Variants in MTA3 observed in about 807,000 individuals in gnomAD.
MTA3 encodes the protein metastasis associated 1 family member 3.
In MTA3, 34 loss-of-function variants were observed where a neutral mutation model predicts 83.5. The ratio of observed to expected loss-of-function variants is 0.41; its 90% CI spans 0.31 to 0.54. The LOEUF (loss-of-function observed/expected upper bound fraction) is 0.54. MTA3 is among the 20% of genes least tolerant of loss of function. The probability of loss-of-function intolerance (pLI) is 0.33; values close to 1 mark genes in which losing one functional copy is unlikely to be tolerated. For missense variants in MTA3, 761 were observed against 726.4 expected (o/e 1.05, Z -0.55); for synonymous variants, 303 against 252.7 (o/e 1.20, Z -1.89).
At position 42,620,691 on chromosome 2, in the gene MTA3, C is replaced by T. The variant is rs144298665; in HGVS notation, c.317+11107C>T. On this transcript the variant is annotated intron_variant, in intron 4 of 16. Coordinates refer to ENST00000405094, the MANE Select transcript of MTA3 (RefSeq NM_001330442.2). The stretch of plus-strand genomic sequence containing the variant: ...AACTTTTTGTAGGGATAGAGTCTAG[C>T]TATGTTGCCCAGGTTGTTTCTTAAA... Among the ~76,000 whole-genome samples the T allele has an allele frequency of 1.7e-3, 257 of 152,198 alleles. 3 individuals are homozygous for T. Among genetic ancestry groups the T allele is most frequent in the African/African-American group, 5.7e-3 (238 of 41,530 alleles).
intron 6 of MTA3, among the ~76,000 whole-genome samples, chr2:42,648,768 A>G (rs555105683): frequency 1.6e-4 from 25 of 152,346 alleles, no homozygotes; most frequent in African/African-American, 5.5e-4. Flanking sequence ...ATGTATTATT[A>G]TAACATTGGA....
intron 3 of MTA3, among the ~76,000 whole-genome samples, chr2:42,606,707 A>C (rs1415011942): frequency 4.6e-5 from 7 of 151,624 alleles, no homozygotes; most frequent in African/African-American, 1.7e-4. Flanking sequence ...CAATCTCGGC[A>C]CTTTGGGAGG....
chr2:42,702,070 G>A (rs891706337), intron 11 of MTA3, among the ~76,000 whole-genome samples: 3 of 151,936 alleles, frequency 2.0e-5, no homozygotes, highest in Non-Finnish European at 4.4e-5. Flanking sequence ...AATTAGGCAG[G>A]CGTGGTGGCA....
At chr2:42,656,745 A>T (rs1303717320) in intron 7 of MTA3, among the ~76,000 whole-genome samples, 1 of 152,220 alleles carries the variant, frequency 6.6e-6, no homozygotes, top group Non-Finnish European at 1.5e-5. Context: ...CAACCTGGCT[A>T]CCTGGCTGGC....
At chr2:42,585,171 C>T (rs1346991782) in intron 3 of MTA3, among the ~76,000 whole-genome samples, 1 of 152,156 alleles carries the variant, frequency 6.6e-6, no homozygotes, top group African/African-American at 2.4e-5. Context: ...CTCACTGCAA[C>T]CTCCACCTCC....
Position 42,631,700 on chromosome 2 carries a change from T to C in MTA3, c.318-8473T>C, listed in dbSNP as rs571552775. 5.9e-5 allele frequency among the ~76,000 whole-genome samples: 9 copies of C among 152,344 alleles called. No individual in the cohort carries two copies. In the East Asian group the frequency reaches 1.7e-3, roughly 29 times the overall value. ...TTATTTTGTATTATTATTTTATTATTATTTTTTGAGACGGAGTCTCCCTTA... is the reference window on the plus strand; with the variant it reads ...TTATTTTGTATTATTATTTTATTATCATTTTTTGAGACGGAGTCTCCCTTA... On this transcript the variant is annotated intron_variant, in intron 4 of 16. Coordinates refer to ENST00000405094, the MANE Select transcript of MTA3 (RefSeq NM_001330442.2).
chr2:42,579,266 C>G, intron 3 of MTA3, 66 bp downstream of exon 3: 1 of 1,183,222 alleles, frequency 8.5e-7, no homozygotes, highest in East Asian at 2.6e-5. Context: ...GAGGTGGAAA[C>G]ATGCTTTTTC....
At chr2:42,729,099 T>TTTTTTTTG (rs1668053664) in intron 16 of MTA3, among the ~76,000 whole-genome samples, 3 of 122,668 alleles carry the variant, frequency 2.4e-5, no homozygotes, top group Middle Eastern at 3.6e-3. Context: ...TTTTTTTTTT[T>TTTTTTTTG]TTTTTTTTTT....
intron 3 of MTA3, among the ~76,000 whole-genome samples, chr2:42,606,428 C>T (rs529364566): frequency 1.5e-3 from 222 of 151,488 alleles, no homozygotes; most frequent in Admixed American, 3.5e-3. Context: ...GACGGGGCGG[C>T]GGGGCAGAGG....
intron 9 of MTA3, among the ~76,000 whole-genome samples, chr2:42,692,335 T>C (rs1692973687): frequency 7.0e-6 from 1 of 143,472 alleles, no homozygotes; most frequent in Admixed American, 7.2e-5. Flanking sequence ...TCAGTCTCTG[T>C]TAAATTTATC....
chr2:42,632,319 T>A (rs1686761294), intron 4 of MTA3, among the ~76,000 whole-genome samples: 2 of 151,844 alleles, frequency 1.3e-5, no homozygotes, highest in African/African-American at 4.8e-5. Flanking sequence ...CTTGATCTCC[T>A]GACCTCATGA....
At chr2:42,570,927 C>A (rs560758156) in intron 2 of MTA3, among the ~76,000 whole-genome samples, 1 of 151,712 alleles carries the variant, frequency 6.6e-6, no homozygotes, top group Non-Finnish European at 1.5e-5. Flanking sequence ...GAAGGAGAAT[C>A]GCTTGAACCC....
intron 5 of MTA3, among the ~76,000 whole-genome samples, chr2:42,641,167 A>G (rs368525940): frequency 3.3e-5 from 5 of 149,914 alleles, no homozygotes; most frequent in East Asian, 3.9e-4. Flanking sequence ...TCAGCCTCCC[A>G]AAGTGCTGGG....
intron 2 of MTA3, among the ~76,000 whole-genome samples, chr2:42,527,096 C>T (rs898324628): frequency 6.9e-6 from 1 of 145,476 alleles, no homozygotes; most frequent in Non-Finnish European, 1.5e-5. Flanking sequence ...CAGCCATTTG[C>T]GGACTAGAGG....
intron 8 of MTA3, among the ~76,000 whole-genome samples, chr2:42,666,088 T>C (rs555687596): frequency 6.6e-6 from 1 of 152,250 alleles, no homozygotes; most frequent in South Asian, 2.1e-4. Context: ...CCATCCTGGC[T>C]AACACGGTGA....
rs1670031554 is a variant in MTA3, at chr2:42,753,464, G to A, written c.*65G>A. 1 of 1,549,530 alleles carries A rather than the reference G, an allele frequency of 6.5e-7. No individual in the cohort carries two copies. The highest frequency in any genetic ancestry group is 8.7e-7 in the Non-Finnish European group (1 of 1,146,338). On this transcript the variant is annotated 3_prime_UTR_variant, in exon 17 of 17. Transcript: ENST00000405094. ...CTGTCCTGCTGATGTTCACAGCCGT[G>A]CCTGGGAAGAAGGCAGCCCCACTCC... is the stretch of plus-strand genomic sequence containing the variant.
At chr2:42,630,824 A>T (rs1273648144) in intron 4 of MTA3, among the ~76,000 whole-genome samples, 1 of 152,180 alleles carries the variant, frequency 6.6e-6, no homozygotes, top group Non-Finnish European at 1.5e-5. Context: ...ATATTTCTCC[A>T]TTGGTCAAAG....
At chr2:42,629,475 A>G (rs754139461) in intron 4 of MTA3, among the ~76,000 whole-genome samples, 1 of 151,960 alleles carries the variant, frequency 6.6e-6, no homozygotes, top group Non-Finnish European at 1.5e-5. Context: ...TGTAATTGTG[A>G]TAGGTTAGCT....
chr2:42,632,033 G>A (rs1293570533), intron 4 of MTA3, among the ~76,000 whole-genome samples: 1 of 148,784 alleles, frequency 6.7e-6, no homozygotes, highest in Non-Finnish European at 1.5e-5. Context: ...ATTATTGACT[G>A]TATTCACCCT....
Sources: gnomAD v4.1 joint callset for allele counts (sites outside exome capture counted in the v4.1 genomes callset) on GRCh38, gnomAD v4.1.1 for gene constraint, MANE v1.5 for transcripts, NCBI Gene and HGNC (gene_info 2026-07-23, HGNC 2026-07-21) for gene names.